The following GINM1 variants were observed in gnomAD, a reference collection of about 807,000 sequenced individuals.
The protein encoded by GINM1 is glycosylated integral membrane protein 1.
GINM1 carries 29 observed loss-of-function variants against 37.8 expected under a neutral mutation model. The observed-to-expected ratio is 0.77, with a 90% CI of 0.57 to 1.05. The LOEUF is 1.05. GINM1 is among the 50% of genes least tolerant of loss of function. The pLI, the probability that GINM1 is intolerant of heterozygous loss-of-function variation, is 0.00. For missense variants in GINM1, 377 were observed against 397.9 expected, an observed-to-expected ratio of 0.95 and a Z score of 0.45; for synonymous variants, 143 against 146.2, an observed-to-expected ratio of 0.98 and a Z score of 0.16.
intron 3 of GINM1, among the ~76,000 whole-genome samples, chr6:149,573,611 C>T (rs776652955): frequency 3.7e-4 from 56 of 151,902 alleles, no homozygotes; most frequent in African/African-American, 1.1e-3. Flanking sequence ...CGGGGCATGG[C>T]GGCTCTAGCA....
chr6:149,578,544 A>G (rs1039459083), intron 3 of GINM1, among the ~76,000 whole-genome samples: 7 of 151,886 alleles, frequency 4.6e-5, no homozygotes, highest in Non-Finnish European at 8.8e-5. Flanking sequence ...AAAAAAAAAA[A>G]AAAGAATAGG....
intron 7 of GINM1, among the ~76,000 whole-genome samples, chr6:149,589,464 G>A (rs1285462176): frequency 6.6e-6 from 1 of 151,270 alleles, no homozygotes; most frequent in Non-Finnish European, 1.5e-5. Flanking sequence ...GTAGAGACAG[G>A]GTTTCACCAT....
At chr6:149,569,601 G>A (rs1777778405) in intron 1 of GINM1, among the ~76,000 whole-genome samples, 1 of 152,056 alleles carries the variant, frequency 6.6e-6, no homozygotes, top group African/African-American at 2.4e-5. Flanking sequence ...GCCTCCCAAA[G>A]TGCTAGGATT....
chr6:149,590,934 AC>A lies in GINM1; in HGVS notation c.*97del. ...TTTAAATCGTTAAGAATCAGTTTAT[AC>A]ACTAGAGAAATTGCTAAACTCTAAG... On this transcript the variant is annotated 3_prime_UTR_variant, in exon 8 of 8. Transcript: ENST00000367419. 1.6e-6 allele frequency: 1 copy of A among 629,926 alleles called. No homozygotes were observed. The highest frequency in any genetic ancestry group is 2.8e-5 in the East Asian group (1 of 36,288). The allele number at this position is 629,926 out of a possible 1,614,324, so 39.0% of individuals were successfully genotyped here. A position where few individuals can be genotyped will look rare whatever the true frequency, so the allele number is the denominator to read the frequency against.
chr6:149,571,307 C>T (rs1399355726), intron 1 of GINM1, among the ~76,000 whole-genome samples: 3 of 141,692 alleles, frequency 2.1e-5, no homozygotes, highest in African/African-American at 2.9e-5. Context: ...AGCGAGACTC[C>T]CTCTCAAAAA....
At chr6:149,568,287 C>T (rs1053005856) in intron 1 of GINM1, among the ~76,000 whole-genome samples, 14 of 152,238 alleles carry the variant, frequency 9.2e-5, no homozygotes, top group African/African-American at 3.4e-4. Flanking sequence ...GAGTGCTGAA[C>T]AACTAGAAAG....
In GINM1 at chr6:149,591,716, A is replaced by C. The variant is rs1778157018; in HGVS notation, c.*878A>C. ...TAGTATGACATGTTCTCACTCTAAA[A>C]TAAACTTTTTTTTTTTTTTTTTGAG... On this transcript the variant is annotated 3_prime_UTR_variant, in exon 8 of 8. Transcript: ENST00000367419. 7.2e-6 allele frequency: 1 copy of C among 138,826 alleles called. No homozygotes were observed. Among genetic ancestry groups the C allele is most frequent in the Admixed American group, 8.1e-5 (1 of 12,350 alleles). The allele number at this position is 138,826 out of a possible 1,614,324, so 8.6% of individuals were successfully genotyped here. A position where few individuals can be genotyped will look rare whatever the true frequency, so the allele number is the denominator to read the frequency against.
chr6:149,583,544 G>C (rs186998938), intron 7 of GINM1, among the ~76,000 whole-genome samples: 74 of 151,206 alleles, frequency 4.9e-4, no homozygotes, highest in Middle Eastern at 6.8e-3. Flanking sequence ...CAGGAGAATC[G>C]CTTGAACCCG....
rs2115061148 is a variant in GINM1 at position 149,582,259 on chromosome 6, AAAAT to A, written c.718-177_718-174del. On this transcript the variant is annotated intron_variant, in intron 6 of 7. Coordinates refer to ENST00000367419, the MANE Select transcript of GINM1 (RefSeq NM_138785.5). ...AAGTAACTTCATTGAGGTACATTCT[AAAAT>A]AAAATCACCATTTAAAATATACAAT... 11 of 621,774 alleles carry A rather than the reference AAAAT, an allele frequency of 1.8e-5. No homozygotes were observed. In the South Asian group the frequency reaches 2.1e-4, roughly 12 times the overall value. The allele number at this position is 621,774 out of a possible 1,614,324, so 38.5% of individuals were successfully genotyped here. A position where few individuals can be genotyped will look rare whatever the true frequency, so the allele number is the denominator to read the frequency against.
At chr6:149,567,257 C>A (rs750230241) in intron 1 of GINM1, among the ~76,000 whole-genome samples, 8 of 152,180 alleles carry the variant, frequency 5.3e-5, no homozygotes, top group Non-Finnish European at 1.2e-4. Flanking sequence ...GCTCACCATT[C>A]CTGCCGTAGA....
chr6:149,589,393 C>T (rs546759553), intron 7 of GINM1, among the ~76,000 whole-genome samples: 10 of 152,198 alleles, frequency 6.6e-5, no homozygotes, highest in African/African-American at 2.4e-4. Flanking sequence ...CTGCCTCAGC[C>T]TCCCGAGTAG....
rs1416343004 is a variant in GINM1 at position 149,591,219 on chromosome 6, G to A, written c.*381G>A. On this transcript the variant is annotated 3_prime_UTR_variant, in exon 8 of 8. Transcript: ENST00000367419. Reference sequence around the variant, plus strand: ...AGGCAGGAGAATTGCTTGAACCCGGGAGGCGGAGGCTGCAGTGAGCCAAGA... The same window carrying A: ...AGGCAGGAGAATTGCTTGAACCCGGAAGGCGGAGGCTGCAGTGAGCCAAGA... The A allele has an allele frequency of 6.4e-6, 1 of 156,384 alleles. No homozygotes were observed. Among genetic ancestry groups the A allele is most frequent in the East Asian group, 1.9e-4 (1 of 5,298 alleles). The allele number at this position is 156,384 out of a possible 1,614,324, so 9.7% of individuals were successfully genotyped here.
At chr6:149,573,134 C>A (rs1030840591) in intron 3 of GINM1, among the ~76,000 whole-genome samples, 7 of 151,970 alleles carry the variant, frequency 4.6e-5, no homozygotes, top group African/African-American at 1.7e-4. Flanking sequence ...ACCAAACTGG[C>A]CAACACGGTG....
chr6:149,589,118 A>C lies in GINM1; in HGVS notation c.882-1609A>C, dbSNP rs1376256523. On this transcript the variant is annotated intron_variant, in intron 7 of 7. Coordinates refer to ENST00000367419, the MANE Select transcript of GINM1 (RefSeq NM_138785.5). Reference sequence around the variant, plus strand: ...CGTGCCCAGCCATTTTTTTAAAAAAAATTTATTTTGTGTAGAGACAGGGTC... The same window carrying C: ...CGTGCCCAGCCATTTTTTTAAAAAACATTTATTTTGTGTAGAGACAGGGTC... 2.7e-5 allele frequency among the ~76,000 whole-genome samples: 4 copies of C among 149,890 alleles called. No homozygotes were observed. In the East Asian group the frequency reaches 8.0e-4, roughly 30 times the overall value.
In GINM1 at chr6:149,580,674, G is replaced by A; in HGVS notation, c.668G>A (p.Gly223Asp). ...ETTVDEDVLP[G>D]KLPETPLRAE... The stretch of plus-strand genomic sequence containing the variant: ...ACTGTAGATGAAGATGTTTTACCTG[G>A]CAAGTTACCTGAAACTCCTCTCAGA... The change falls in exon 6 of 8, where the codon GGC (glycine) becomes GAC (aspartate). Residue 223 changes from glycine (G) to aspartate (D), a missense_variant. Physicochemically the swap from Gly to Asp is moderately conservative, Grantham distance 94 (BLOSUM62 -1). Coordinates refer to ENST00000367419, the MANE Select transcript of GINM1 (RefSeq NM_138785.5). 1.9e-6 allele frequency: 3 copies of A among 1,613,696 alleles called. No individual in the cohort carries two copies. In the South Asian group the frequency reaches 3.3e-5, roughly 18 times the overall value.
intron 7 of GINM1, among the ~76,000 whole-genome samples, chr6:149,586,784 C>T (rs1393315686): frequency 6.6e-6 from 1 of 151,944 alleles, no homozygotes; most frequent in Non-Finnish European, 1.5e-5. Flanking sequence ...AAGGTCTCAC[C>T]TTGACACCCA....
intron 7 of GINM1, 55 bp downstream of exon 7, chr6:149,582,658 CAT>C (rs1778020048): frequency 8.2e-7 from 1 of 1,224,312 alleles, no homozygotes; most frequent in Admixed American, 2.6e-5. Context: ...AAAAGTGAGA[CAT>C]ATTTGCTATG....
At chr6:149,580,160 T>G (rs1046759747) in intron 5 of GINM1, among the ~76,000 whole-genome samples, 170 bp downstream of exon 5, 1 of 152,256 alleles carries the variant, frequency 6.6e-6, no homozygotes, top group African/African-American at 2.4e-5. Flanking sequence ...CTTCATAACA[T>G]GTATTGCTTC....
At chr6:149,572,043 T>C (rs1464175119) in intron 1 of GINM1, among the ~76,000 whole-genome samples, 2 of 151,882 alleles carry the variant, frequency 1.3e-5, no homozygotes, top group Non-Finnish European at 2.9e-5. Flanking sequence ...ATTGCGGTAC[T>C]GCACTCCAGC....
Sources: allele counts gnomAD v4.1 joint callset (sites outside exome capture counted in the v4.1 genomes callset), GRCh38; gene constraint gnomAD v4.1.1; transcripts MANE v1.5; gene names NCBI Gene and HGNC (gene_info 2026-07-23, HGNC 2026-07-21).